Variants in MTUS2 observed in about 807,000 individuals in gnomAD.
MTUS2 encodes the protein microtubule associated scaffold protein 2, also known as microtubule-associated tumor suppressor candidate 2.
Under a neutral mutation model 114.1 loss-of-function variants are expected in MTUS2, and 40 were observed. That is an observed-to-expected ratio of 0.35 (90% confidence interval 0.27 to 0.46). The LOEUF is 0.46. MTUS2 is among the 20% of genes least tolerant of loss of function. The pLI, the probability that MTUS2 is intolerant of heterozygous loss-of-function variation, is 1.00. For synonymous variants in MTUS2, 688 were observed against 672.0 expected, an observed-to-expected ratio of 1.02 and a Z score of -0.37; for missense variants, 1,679 against 1,705.4, an observed-to-expected ratio of 0.98 and a Z score of 0.27.
At chr13:29,145,552 A>G (rs1892398280) in intron 5 of MTUS2, among the ~76,000 whole-genome samples, 1 of 152,136 alleles carries the variant, frequency 6.6e-6, no homozygotes, top group Non-Finnish European at 1.5e-5. Flanking sequence ...CTATGTCAAC[A>G]TTATAAGACC....
At chr13:29,055,426 G>A (rs1291803894) in intron 4 of MTUS2, among the ~76,000 whole-genome samples, 1 of 152,000 alleles carries the variant, frequency 6.6e-6, no homozygotes, top group Admixed American at 6.6e-5. Context: ...TGTTATATAG[G>A]TAAATTGTGT....
At chr13:29,276,238 A>G (rs1164807263) in intron 5 of MTUS2, among the ~76,000 whole-genome samples, 4 of 152,218 alleles carry the variant, frequency 2.6e-5, no homozygotes. Context: ...TTGTCCTAAC[A>G]GTTTAATGAG....
intron 8 of MTUS2, among the ~76,000 whole-genome samples, chr13:29,389,269 A>ATG: frequency 7.1e-6 from 1 of 140,504 alleles, no homozygotes; most frequent in African/African-American, 3.2e-5. Context: ...ATGTGTGTAT[A>ATG]TATGTATATA....
At chr13:29,385,445 A>G (rs1246782474) in intron 8 of MTUS2, among the ~76,000 whole-genome samples, 2 of 152,202 alleles carry the variant, frequency 1.3e-5, no homozygotes, top group African/African-American at 2.4e-5. Context: ...AGGTCCATGG[A>G]AGGAAGCAAT....
intron 7 of MTUS2, among the ~76,000 whole-genome samples, chr13:29,332,653 G>C (rs7986645): frequency 0.084 from 10,487 of 125,448 alleles, 1,287 homozygotes; most frequent in African/African-American, 0.26. Flanking sequence ...TTTTTTTTCG[G>C]ACACAGAGTC....
At chr13:29,125,481 G>A (rs540897433) in intron 5 of MTUS2, among the ~76,000 whole-genome samples, 3 of 152,284 alleles carry the variant, frequency 2.0e-5, no homozygotes, top group South Asian at 2.1e-4. Context: ...AAGAAGAAAC[G>A]TTGAATCTAA....
At chr13:29,474,441 A>G (rs1174802108) in intron 9 of MTUS2, among the ~76,000 whole-genome samples, 1 of 152,244 alleles carries the variant, frequency 6.6e-6, no homozygotes, top group Non-Finnish European at 1.5e-5. Flanking sequence ...CATGCAAACA[A>G]TAAACAGGGA....
At chr13:28,997,855 CTG>C (rs1482564577) in intron 2 of MTUS2, among the ~76,000 whole-genome samples, 3 of 151,238 alleles carry the variant, frequency 2.0e-5, no homozygotes, top group African/African-American at 7.3e-5. Context: ...ATTTGCCAGT[CTG>C]TGCCTTTTAA....
chr13:29,235,947 G>A (rs780279355), intron 5 of MTUS2, among the ~76,000 whole-genome samples: 9 of 152,112 alleles, frequency 5.9e-5, no homozygotes, highest in East Asian at 3.9e-4. Context: ...ACAAAATTAC[G>A]CATTTCACTC....
At chr13:29,081,219 A>G (rs568817971) in intron 4 of MTUS2, among the ~76,000 whole-genome samples, 51 of 152,184 alleles carry the variant, frequency 3.4e-4, no homozygotes, top group Admixed American at 1.1e-3. Flanking sequence ...ACTTTCCCAC[A>G]AGCACCAGAG....
At chr13:29,179,377 AG>A (rs1893904299) in intron 5 of MTUS2, among the ~76,000 whole-genome samples, 1 of 152,256 alleles carries the variant, frequency 6.6e-6, no homozygotes, top group South Asian at 2.1e-4. Flanking sequence ...TTAAATATAA[AG>A]GGAGTTAAGA....
At chr13:29,426,744 G>T (rs1876562999) in intron 8 of MTUS2, among the ~76,000 whole-genome samples, 1 of 152,146 alleles carries the variant, frequency 6.6e-6, no homozygotes, top group Admixed American at 6.5e-5. Context: ...GATTAGTTAG[G>T]CATGTTTTGT....
chr13:28,830,854 T>C (rs1874621679), intron 1 of MTUS2, among the ~76,000 whole-genome samples: 1 of 152,166 alleles, frequency 6.6e-6, no homozygotes, highest in African/African-American at 2.4e-5. Context: ...GGCTAGAAGA[T>C]AGTGGAATGA....
intron 5 of MTUS2, among the ~76,000 whole-genome samples, chr13:29,252,307 T>C (rs895678325): frequency 2.6e-5 from 4 of 152,196 alleles, no homozygotes; most frequent in Admixed American, 1.3e-4. Context: ...CGTGGACTTA[T>C]TATATTTTCT....
At chr13:28,933,547 A>T (rs1001748411) in intron 2 of MTUS2, among the ~76,000 whole-genome samples, 1 of 152,222 alleles carries the variant, frequency 6.6e-6, no homozygotes, top group Non-Finnish European at 1.5e-5. Flanking sequence ...CTATAACCTA[A>T]TCAAGTTGAC....
chr13:29,269,503 A>G (rs2139495898), intron 5 of MTUS2, among the ~76,000 whole-genome samples: 1 of 152,326 alleles, frequency 6.6e-6, no homozygotes, highest in East Asian at 1.9e-4. Flanking sequence ...ATACCACACC[A>G]CAAAGATAAC....
At chr13:28,863,631 G>A (rs921777617) in intron 2 of MTUS2, among the ~76,000 whole-genome samples, 2 of 152,168 alleles carry the variant, frequency 1.3e-5, no homozygotes, top group African/African-American at 4.8e-5. Context: ...GTGCTGCAAA[G>A]TGCTTCCGCA....
In MTUS2 at chr13:29,503,218, G is replaced by A. The variant is rs764950048; in HGVS notation, c.*12G>A. 1.9e-6 allele frequency: 3 copies of A among 1,612,412 alleles called. No homozygotes were observed. Among genetic ancestry groups the A allele is most frequent in the Admixed American group, 1.7e-5 (1 of 60,000 alleles). ...CAACACCCAGATGACGCCACTACAC[G>A]GCCTGCGGGAGCTCCGGCTTCTCGT... On this transcript the variant is annotated 3_prime_UTR_variant, in exon 16 of 16. Coordinates refer to ENST00000612955, the MANE Select transcript of MTUS2 (RefSeq NM_001033602.4).
rs1033525755 is a variant in MTUS2, at chr13:28,820,616, G to A, written c.-316+5G>A. The A allele has an allele frequency of 6.6e-6, 1 of 152,242 alleles. No individual in the cohort carries two copies. The highest frequency in any genetic ancestry group is 1.5e-5 in the Non-Finnish European group (1 of 68,124). 9.4% of individuals were successfully genotyped at this position (152,242 alleles called of 1,614,324 possible). A position where few individuals can be genotyped will look rare whatever the true frequency, so the allele number is the denominator to read the frequency against. On this transcript the variant is annotated splice_donor_5th_base_variant and intron_variant, in intron 1 of 15. Coordinates refer to ENST00000612955, the MANE Select transcript of MTUS2 (RefSeq NM_001033602.4). Reference sequence around the variant, plus strand: ...TCTTGGCTCTTTTTGACCCAGGTGAGCGAATCCTCTGCTGCGCGGTCCGGT... The same window carrying A: ...TCTTGGCTCTTTTTGACCCAGGTGAACGAATCCTCTGCTGCGCGGTCCGGT...
Sources: gnomAD v4.1 joint callset for allele counts (sites outside exome capture counted in the v4.1 genomes callset) on GRCh38, gnomAD v4.1.1 for gene constraint, MANE v1.5 for transcripts, NCBI Gene and HGNC (gene_info 2026-07-23, HGNC 2026-07-21) for gene names.